CAV1: variants seen among roughly 807,000 people sequenced by gnomAD.
The protein encoded by CAV1 is caveolin 1, also known as caveolin-1.
Under a neutral mutation model 16.5 loss-of-function variants are expected in CAV1, and 10 were observed. That is an observed-to-expected ratio of 0.61 (90% confidence interval 0.37 to 1.03). CAV1 has a LOEUF of 1.03. CAV1 is among the 50% of genes least tolerant of loss of function. The probability of loss-of-function intolerance (pLI) is 0.01; values close to 1 mark genes in which losing one functional copy is unlikely to be tolerated. For synonymous variants in CAV1, 76 were observed against 85.1 expected, an observed-to-expected ratio of 0.89 and a Z score of 0.59; for missense variants, 212 against 232.8, an observed-to-expected ratio of 0.91 and a Z score of 0.58.
Position 116,533,377 on chromosome 7 carries a change from TAAAATAAAATAA to T in CAV1, c.195+6691_195+6702del, listed in dbSNP as rs1181435037. 1.2e-3 allele frequency among the ~76,000 whole-genome samples: 138 copies of T among 119,478 alleles called. 1 individual carries two copies. The highest frequency in any genetic ancestry group is 4.0e-3 in the East Asian group (15 of 3,748). The allele number at this position is 119,478 out of a possible 152,430, so 78.4% of individuals were successfully genotyped here. A position where few individuals can be genotyped will look rare whatever the true frequency, so the allele number is the denominator to read the frequency against. On this transcript the variant is annotated intron_variant, in intron 2 of 2. Coordinates refer to ENST00000341049, the MANE Select transcript of CAV1 (RefSeq NM_001753.5). ...TAAAATAAAATAAAATAAAATAAAA[TAAAATAAAATAA>T]AATAAAATAAAATAAAATAAAAATA...
At chr7:116,555,669 A>G in intron 2 of CAV1, among the ~76,000 whole-genome samples, 1 of 144,784 alleles carries the variant, frequency 6.9e-6, no homozygotes, top group Non-Finnish European at 1.5e-5. Flanking sequence ...GAAGGAAGGA[A>G]GAGAGAGAGA....
intron 2 of CAV1, among the ~76,000 whole-genome samples, chr7:116,552,815 A>G (rs1794190238): frequency 6.6e-6 from 1 of 152,180 alleles, no homozygotes; most frequent in Non-Finnish European, 1.5e-5. Context: ...CCTTAAACCA[A>G]TCACTCACCA....
intron 2 of CAV1, among the ~76,000 whole-genome samples, chr7:116,530,572 G>C (rs755385000): frequency 6.6e-6 from 1 of 152,160 alleles, no homozygotes; most frequent in Non-Finnish European, 1.5e-5. Flanking sequence ...TATGAAGGAG[G>C]TGCAGTTTGA....
chr7:116,525,420 C>T (rs1438919025), intron 1 of CAV1: 4 of 1,432,688 alleles, frequency 2.8e-6, no homozygotes, highest in East Asian at 5.8e-5. Context: ...TGTCGCGGGA[C>T]CCCCGCGGTC....
intron 2 of CAV1, among the ~76,000 whole-genome samples, chr7:116,556,671 C>T (rs560086446): frequency 2.6e-5 from 4 of 152,198 alleles, no homozygotes; most frequent in Admixed American, 6.5e-5. Context: ...AGACCTGCTT[C>T]GGGTCTGCTC....
intron 2 of CAV1, among the ~76,000 whole-genome samples, chr7:116,539,661 CTT>C (rs947612616): frequency 7.3e-5 from 11 of 151,410 alleles, no homozygotes; most frequent in African/African-American, 2.7e-4. Context: ...GTTATTTAGA[CTT>C]TTTTTTTAAG....
chr7:116,553,560 G>C (rs1180449242), intron 2 of CAV1, among the ~76,000 whole-genome samples: 3 of 152,024 alleles, frequency 2.0e-5, no homozygotes, highest in African/African-American at 7.2e-5. Context: ...CAGAAAGTTG[G>C]TTGTGGGAGG....
rs3030806 is a variant in CAV1 at position 116,530,208 on chromosome 7, C to CT, written c.195+3532dup. ...CATGGAAACTGATTGGTCCTTTTTC[C>CT]TTTTTTTTTTTTTGCCTTGACTGCC... On this transcript the variant is annotated intron_variant, in intron 2 of 2. Coordinates refer to ENST00000341049, the MANE Select transcript of CAV1 (RefSeq NM_001753.5). Among the ~76,000 whole-genome samples the CT allele has an allele frequency of 3.3e-3, 417 of 125,306 alleles. 8 individuals are homozygous for CT. Among genetic ancestry groups the CT allele is most frequent in the Middle Eastern group, 4.8e-3 (1 of 208 alleles). 82.2% of individuals were successfully genotyped at this position (125,306 alleles called of 152,430 possible).
chr7:116,536,203 G>C (rs1245542639), intron 2 of CAV1, among the ~76,000 whole-genome samples: 1 of 152,108 alleles, frequency 6.6e-6, no homozygotes, highest in Admixed American at 6.6e-5. Flanking sequence ...AGTAACATGA[G>C]CACCGTTCTC....
At chr7:116,556,396 C>T (rs79000870) in intron 2 of CAV1, among the ~76,000 whole-genome samples, 1 of 152,130 alleles carries the variant, frequency 6.6e-6, no homozygotes, top group African/African-American at 2.4e-5. Context: ...AAATAGCATA[C>T]TCACCTTAGA....
At chr7:116,555,165 C>T (rs533200403) in intron 2 of CAV1, among the ~76,000 whole-genome samples, 12 of 152,030 alleles carry the variant, frequency 7.9e-5, no homozygotes, top group South Asian at 2.1e-4. Context: ...AGTCACAGCC[C>T]GGTGCAGTAG....
intron 2 of CAV1, among the ~76,000 whole-genome samples, chr7:116,545,491 A>G (rs1794027359): frequency 6.6e-6 from 1 of 152,236 alleles, no homozygotes. Context: ...TTGCCAAGCA[A>G]TGTTCAAACC....
Position 116,525,087 on chromosome 7 carries a change from T to C in CAV1, c.25T>C (p.Ser9Pro). The C allele has an allele frequency of 6.2e-7, 1 of 1,614,076 alleles. No individual in the cohort carries two copies. Among genetic ancestry groups the C allele is most frequent in the Non-Finnish European group, 8.5e-7 (1 of 1,180,016 alleles). Residue 9 changes from serine to proline, a missense_variant, in exon 1 of 3, where the codon TCG becomes CCG. Ser to Pro is a moderately conservative substitution (Grantham distance 74, BLOSUM62 -1). Transcript: ENST00000341049. MSGGKYVD[S>P]EGHLYTVPIR... is the part of the protein sequence containing the mutation. ...CATGTCTGGGGGCAAATACGTAGACTCGGAGGTAGGCATCCGTGGGGGGGC... is the reference window on the plus strand; with the variant it reads ...CATGTCTGGGGGCAAATACGTAGACCCGGAGGTAGGCATCCGTGGGGGGGC...
chr7:116,546,702 A>AAAAAAAAAAAAAAAAAAAAAAAAT (rs1554356427), intron 2 of CAV1, among the ~76,000 whole-genome samples: 1 of 142,952 alleles, frequency 7.0e-6, no homozygotes, highest in African/African-American at 2.6e-5. Flanking sequence ...TGTCACAAAA[A>AAAAAAAAAAAAAAAAAAAAAAAAT]AAAAAAAAAA....
At chr7:116,526,309 T>C in intron 1 of CAV1, 7 of 1,402,596 alleles carry the variant, frequency 5.0e-6, no homozygotes, top group Non-Finnish European at 6.5e-6. Context: ...CAGAGGGGTG[T>C]GGTGTCCTCT....
intron 2 of CAV1, among the ~76,000 whole-genome samples, chr7:116,545,648 G>A (rs750167184): frequency 2.0e-5 from 3 of 152,298 alleles, no homozygotes; most frequent in Non-Finnish European, 4.4e-5. Context: ...AACCTCTACC[G>A]TGAGGAAGTG....
At chr7:116,545,892 C>T (rs144574103) in intron 2 of CAV1, among the ~76,000 whole-genome samples, 8 of 152,282 alleles carry the variant, frequency 5.3e-5, no homozygotes, top group Non-Finnish European at 7.3e-5. Context: ...CAGAATTTAG[C>T]GAAGAATCCA....
At chr7:116,533,511 G>A (rs1013067598) in intron 2 of CAV1, among the ~76,000 whole-genome samples, 15 of 151,746 alleles carry the variant, frequency 9.9e-5, no homozygotes, top group South Asian at 2.1e-4. Flanking sequence ...CTGTTGCCCC[G>A]GCTGGAGTGC....
At chr7:116,525,635 C>CTTTTTTAA in intron 1 of CAV1, 2 of 1,118,116 alleles carry the variant, frequency 1.8e-6, no homozygotes, top group South Asian at 2.4e-5. Context: ...CAGGGGTGTT[C>CTTTTTTAA]CGAGAGAGGT....
Sources: gnomAD v4.1 joint callset for allele counts (sites outside exome capture counted in the v4.1 genomes callset) on GRCh38, gnomAD v4.1.1 for gene constraint, MANE v1.5 for transcripts, NCBI Gene and HGNC (gene_info 2026-07-23, HGNC 2026-07-21) for gene names.